The following PEBP4 variants were observed in gnomAD, a reference collection of about 807,000 sequenced individuals.
PEBP4 encodes the protein phosphatidylethanolamine-binding protein 4.
A neutral mutation model predicts 23.9 loss-of-function variants in PEBP4; 22 were observed. The ratio of observed to expected loss-of-function variants is 0.92; its 90% CI spans 0.66 to 1.31. PEBP4 has a LOEUF of 1.31. Among genes scored for constraint, PEBP4 ranks in the 40% most tolerant of loss-of-function variants. The pLI is 0.00. For missense variants in PEBP4, 324 were observed against 281.7 expected, an observed-to-expected ratio of 1.15 and a Z score of -1.07; for synonymous variants, 112 against 99.3, an observed-to-expected ratio of 1.13 and a Z score of -0.76.
At chr8:22,895,439 C>T (rs1217222809) in intron 3 of PEBP4, 3 of 152,196 alleles carry the variant, frequency 2.0e-5, no homozygotes, top group Non-Finnish European at 2.9e-5. Context: ...GTGAGGGGGA[C>T]ACCGGCATTC....
chr8:22,906,572 C>T (rs541587095), intron 3 of PEBP4, among the ~76,000 whole-genome samples: 3 of 152,340 alleles, frequency 2.0e-5, no homozygotes, highest in East Asian at 3.9e-4. Context: ...ACTGCCTTGC[C>T]TCGACTGTCA....
intron 3 of PEBP4, among the ~76,000 whole-genome samples, chr8:22,878,472 T>C (rs1014509498): frequency 6.6e-6 from 1 of 152,288 alleles, no homozygotes; most frequent in Admixed American, 6.5e-5. Context: ...GCTTTCTCAC[T>C]TTTCTGCCCG....
chr8:22,841,763 A>C (rs937909535), intron 3 of PEBP4, among the ~76,000 whole-genome samples: 1 of 152,262 alleles, frequency 6.6e-6, no homozygotes, highest in Non-Finnish European at 1.5e-5. Context: ...ATGGCTACAG[A>C]CTGTTCCCTA....
chr8:22,795,941 G>A (rs1465653960), intron 4 of PEBP4, among the ~76,000 whole-genome samples: 1 of 152,214 alleles, frequency 6.6e-6, no homozygotes, highest in East Asian at 1.9e-4. Context: ...AGGTGTGTTT[G>A]TATGCCGAAA....
At chr8:22,918,697 C>T (rs1391518063) in intron 3 of PEBP4, among the ~76,000 whole-genome samples, 14 of 152,134 alleles carry the variant, frequency 9.2e-5, no homozygotes, top group Non-Finnish European at 1.0e-4. Flanking sequence ...GGACAAACCC[C>T]AAGACAAGTG....
chr8:22,922,361 C>T (rs563559908), intron 2 of PEBP4, among the ~76,000 whole-genome samples: 1 of 152,006 alleles, frequency 6.6e-6, no homozygotes, highest in African/African-American at 2.4e-5. Flanking sequence ...AATTGACTTA[C>T]GAGACGACCT....
At chr8:22,734,954 C>G (rs1438765079) in intron 4 of PEBP4, among the ~76,000 whole-genome samples, 1 of 152,206 alleles carries the variant, frequency 6.6e-6, no homozygotes, top group East Asian at 1.9e-4. Context: ...CCCAGGCCAT[C>G]TGAGGCTTGA....
intron 3 of PEBP4, chr8:22,878,221 G>GGGGA (rs1808167398): frequency 6.6e-6 from 1 of 151,848 alleles, no homozygotes; most frequent in Non-Finnish European, 1.5e-5. Context: ...GGAGAGGGAG[G>GGGGA]GGGAGAGGGA....
chr8:22,913,285 C>T (rs934878345), intron 3 of PEBP4, among the ~76,000 whole-genome samples: 50 of 152,166 alleles, frequency 3.3e-4, no homozygotes, highest in Admixed American at 3.1e-3. Flanking sequence ...AGTGGCTCTT[C>T]CCCAGCCTGG....
intron 4 of PEBP4, among the ~76,000 whole-genome samples, chr8:22,736,906 G>C (rs927847446): frequency 1.3e-5 from 2 of 152,052 alleles, no homozygotes; most frequent in African/African-American, 4.8e-5. Flanking sequence ...TAGAATACTA[G>C]TTCTTGTCTT....
At chr8:22,866,718 CAG>C (rs148037840) in intron 3 of PEBP4, among the ~76,000 whole-genome samples, 1,621 of 151,910 alleles carry the variant, frequency 0.011, 19 homozygotes, top group Non-Finnish European at 0.018. Context: ...AGGAAAAAAA[CAG>C]AATATATGTC....
chr8:22,905,526 T>G (rs1294386695), intron 3 of PEBP4, among the ~76,000 whole-genome samples: 1 of 152,264 alleles, frequency 6.6e-6, no homozygotes, highest in East Asian at 1.9e-4. Context: ...TCTCCTGAGA[T>G]CAGCTATGTA....
At chr8:22,792,676 C>T (rs1056827332) in intron 4 of PEBP4, among the ~76,000 whole-genome samples, 9 of 152,170 alleles carry the variant, frequency 5.9e-5, no homozygotes, top group African/African-American at 2.2e-4. Flanking sequence ...TTTCAAAGAA[C>T]ACTCGTGGAA....
intron 3 of PEBP4, among the ~76,000 whole-genome samples, chr8:22,900,956 G>A (rs1808698814): frequency 6.6e-6 from 1 of 152,164 alleles, no homozygotes; most frequent in African/African-American, 2.4e-5. Context: ...GGACCATAAG[G>A]ACACTAATCA....
intron 4 of PEBP4, among the ~76,000 whole-genome samples, chr8:22,746,166 T>C (rs1363488206): frequency 2.6e-5 from 4 of 151,924 alleles, no homozygotes; most frequent in Admixed American, 2.0e-4. Context: ...CTGAAGTACA[T>C]GTGAAAAGGA....
rs929168982 is a variant in PEBP4 at position 22,865,412 on chromosome 8, G to C, written c.259-47677C>G. On this transcript the variant is annotated intron_variant, in intron 3 of 6. Coordinates refer to ENST00000256404, the MANE Select transcript of PEBP4 (RefSeq NM_144962.3). This position sits in a 1 kb window ranked among gnomAD's most constrained non-coding sequence, Gnocchi z 6.9. ...GGCGGGACCCCGGGCCTGGCTGCGCGCTCCACCTGCGCCTCCAGGGCGTTG... is the reference window on the plus strand; with the variant it reads ...GGCGGGACCCCGGGCCTGGCTGCGCCCTCCACCTGCGCCTCCAGGGCGTTG... Among the ~76,000 whole-genome samples, 14 of 151,938 alleles carry C rather than the reference G, an allele frequency of 9.2e-5. No homozygotes were observed. The East Asian group carries it at 2.7e-3, about 30-fold the overall frequency.
intron 3 of PEBP4, among the ~76,000 whole-genome samples, chr8:22,830,476 C>T (rs548321715): frequency 1.1e-4 from 17 of 152,214 alleles, no homozygotes; most frequent in East Asian, 3.9e-4. Context: ...CCCTAACCTC[C>T]GACTCAGGAA....
intron 6 of PEBP4, among the ~76,000 whole-genome samples, chr8:22,720,671 G>A (rs537290905): frequency 5.9e-5 from 9 of 152,312 alleles, no homozygotes; most frequent in African/African-American, 1.7e-4. Flanking sequence ...GTCCTGTGAC[G>A]CTGGCCGGCC....
intron 4 of PEBP4, among the ~76,000 whole-genome samples, chr8:22,792,490 AT>A (rs938163766): frequency 6.6e-6 from 1 of 151,956 alleles, no homozygotes; most frequent in African/African-American, 2.4e-5. Flanking sequence ...CCTTTCTATG[AT>A]TCCAGGTGAT....
Sources: allele counts gnomAD v4.1 joint callset (sites outside exome capture counted in the v4.1 genomes callset), GRCh38; gene constraint gnomAD v4.1.1; non-coding constraint Gnocchi (gnomAD v3.1); transcripts MANE v1.5; gene names NCBI Gene and HGNC (gene_info 2026-07-23, HGNC 2026-07-21).